PRR11: variants seen among roughly 807,000 people sequenced by gnomAD.
PRR11 encodes proline rich 11.
A neutral mutation model predicts 45.6 loss-of-function variants in PRR11; 30 were observed. The ratio of observed to expected loss-of-function variants is 0.66; its 90% CI spans 0.49 to 0.89. PRR11 has a LOEUF of 0.89. Ranked by LOEUF, PRR11 falls within the 40% of genes least tolerant of loss-of-function variation. The pLI is 0.00. For synonymous variants in PRR11, 128 were observed against 153.5 expected (o/e 0.83, Z 1.23); for missense variants, 373 against 424.8 (o/e 0.88, Z 1.07).
At chr17:59,197,057 C>T (rs534667618) in intron 7 of PRR11, among the ~76,000 whole-genome samples, 20 of 151,524 alleles carry the variant, frequency 1.3e-4, no homozygotes, top group East Asian at 2.0e-4. Flanking sequence ...CCATCTTGGC[C>T]AGGCTGGTCA....
At chr17:59,200,137 C>G (rs982443030) in intron 9 of PRR11, among the ~76,000 whole-genome samples, 1 of 152,142 alleles carries the variant, frequency 6.6e-6, no homozygotes, top group Non-Finnish European at 1.5e-5. Context: ...TGTTGTGCTG[C>G]CAAAATCTAC....
intron 4 of PRR11, among the ~76,000 whole-genome samples, chr17:59,186,704 A>G (rs962807282): frequency 3.9e-5 from 6 of 152,090 alleles, no homozygotes; most frequent in African/African-American, 1.4e-4. Flanking sequence ...TTGTTTGTAC[A>G]TTTTTAAATA....
intron 4 of PRR11, among the ~76,000 whole-genome samples, chr17:59,191,322 G>A (rs1212075956): frequency 6.7e-6 from 1 of 150,276 alleles, no homozygotes; most frequent in Admixed American, 6.7e-5. Flanking sequence ...GGGTTCAAGC[G>A]ATTCTCCTGC....
At chr17:59,169,154 A>G (rs1326814808) in intron 1 of PRR11, among the ~76,000 whole-genome samples, 1 of 137,686 alleles carries the variant, frequency 7.3e-6, no homozygotes, top group Non-Finnish European at 1.5e-5. Flanking sequence ...GTGGGAGTGC[A>G]ATGGTGCAAT....
At position 59,175,741 on chromosome 17, in the gene PRR11, C is replaced by CAATA. The variant is rs551878816; in HGVS notation, c.128+5875_128+5878dup. Among the ~76,000 whole-genome samples, 91 of 152,098 alleles carry CAATA rather than the reference C, an allele frequency of 6.0e-4. No homozygotes were observed. The South Asian group carries it at 8.7e-3, about 15-fold the overall frequency. On this transcript the variant is annotated intron_variant, in intron 2 of 9. Coordinates refer to ENST00000262293, the MANE Select transcript of PRR11 (RefSeq NM_018304.4). Reference sequence around the variant, plus strand: ...TCAGAGGCAGAACAAGACTCTGTCTCAATAAATAAATAAATAACTGTCCAG... The same window carrying CAATA: ...TCAGAGGCAGAACAAGACTCTGTCTCAATAAATAAATAAATAAATAACTGTCCAG...
At chr17:59,161,437 CA>C (rs1207051403) in intron 1 of PRR11, among the ~76,000 whole-genome samples, 36 of 137,442 alleles carry the variant, frequency 2.6e-4, no homozygotes, top group Admixed American at 2.9e-4. Context: ...AAACATAAAA[CA>C]AAAAAAAAAA....
intron 2 of PRR11, among the ~76,000 whole-genome samples, chr17:59,181,077 C>A (rs1357306748): frequency 6.6e-6 from 1 of 151,350 alleles, no homozygotes; most frequent in Non-Finnish European, 1.5e-5. Context: ...GCAAGCAACA[C>A]CTCCGGGGTT....
chr17:59,172,162 A>G (rs1417079682), intron 2 of PRR11, among the ~76,000 whole-genome samples: 1 of 152,220 alleles, frequency 6.6e-6, no homozygotes, highest in African/African-American at 2.4e-5. Context: ...TTCTGTGCTA[A>G]TCTGAGTGTC....
At chr17:59,156,712 G>T (rs1174650668) in intron 1 of PRR11, among the ~76,000 whole-genome samples, 1 of 150,916 alleles carries the variant, frequency 6.6e-6, no homozygotes, top group South Asian at 2.1e-4. Context: ...CTAGGCTGGA[G>T]TACAGTGGCA....
chr17:59,182,856 A>G (rs1319091192), intron 2 of PRR11, among the ~76,000 whole-genome samples: 3 of 152,112 alleles, frequency 2.0e-5, no homozygotes, highest in African/African-American at 4.8e-5. Context: ...ATGGCTGGTC[A>G]TGATCTTTCC....
rs757177981 is a variant in PRR11 at position 59,169,752 on chromosome 17, C to A, written c.-1C>A. On this transcript the variant is annotated 5_prime_UTR_variant, in exon 2 of 10. Transcript: ENST00000262293. ...TGTAAAAAAATTTCTCTGCAGAAAT[C>A]ATGCCCAAGTTCAAACAACGAAGAC... The A allele has an allele frequency of 2.5e-6, 4 of 1,582,478 alleles. No homozygotes were observed. In the Admixed American group the frequency reaches 8.0e-5, roughly 32 times the overall value.
chr17:59,175,585 A>T (rs2046740010), intron 2 of PRR11, among the ~76,000 whole-genome samples: 1 of 152,174 alleles, frequency 6.6e-6, no homozygotes. Context: ...TCTACTAAAG[A>T]TACAAAAATC....
intron 9 of PRR11, among the ~76,000 whole-genome samples, chr17:59,199,848 G>GA (rs2046884185): frequency 6.6e-6 from 1 of 152,184 alleles, no homozygotes; most frequent in African/African-American, 2.4e-5. Flanking sequence ...CTGCGTAGTG[G>GA]AGATGTGACC....
intron 2 of PRR11, chr17:59,181,776 A>C: frequency 1.3e-6 from 2 of 1,552,552 alleles, no homozygotes; most frequent in Non-Finnish European, 1.7e-6. Flanking sequence ...CCACCATGTA[A>C]TGCTTCTGCA....
Position 59,197,580 on chromosome 17 carries a change from G to T in PRR11, c.894G>T (p.Leu298=). 6.2e-7 allele frequency: 1 copy of T among 1,613,988 alleles called. No individual in the cohort carries two copies. Among genetic ancestry groups the T allele is most frequent in the Non-Finnish European group, 8.5e-7 (1 of 1,179,882 alleles). The change falls in exon 8 of 10, where the codon CTG becomes CTT. Residue 298 remains leucine, a synonymous_variant. Coordinates refer to ENST00000262293, the MANE Select transcript of PRR11 (RefSeq NM_018304.4). ...AAAGTCAGATGGATCTGCGGAAACT[G>T]CTTAGAAAAGTCGATGTAGAGAGGT... ...PGKSQMDLRK[L]LRKVDVERSP...
intron 7 of PRR11, among the ~76,000 whole-genome samples, chr17:59,196,489 G>A (rs1248616031): frequency 6.6e-6 from 1 of 152,066 alleles, no homozygotes; most frequent in Admixed American, 6.6e-5. Context: ...CAATTCTCCT[G>A]CTTCAGCCTC....
At chr17:59,185,675 T>A in intron 4 of PRR11, 113 bp downstream of exon 4, 1 of 1,018,370 alleles carries the variant, frequency 9.8e-7, no homozygotes, top group Non-Finnish European at 1.4e-6. Flanking sequence ...ATCTCAAACA[T>A]TAAGCGAAAA....
Position 59,200,482 on chromosome 17 carries a change from A to ATTTAT in PRR11, c.1015-1066_1015-1062dup, listed in dbSNP as rs1455243707. Among the ~76,000 whole-genome samples the ATTTAT allele has an allele frequency of 3.3e-5, 5 of 151,826 alleles. No individual in the cohort carries two copies. In the East Asian group the frequency reaches 5.8e-4, roughly 18 times the overall value. On this transcript the variant is annotated intron_variant, in intron 9 of 9. Transcript: ENST00000262293. ...TTTTTTTAATATATACAACTAACTC[A>ATTTAT]TTTATTTTATTTTATTTTAATTTTT... is the stretch of plus-strand genomic sequence containing the variant.
chr17:59,198,408 G>T (rs919223838), intron 9 of PRR11, among the ~76,000 whole-genome samples: 1 of 152,078 alleles, frequency 6.6e-6, no homozygotes, highest in Non-Finnish European at 1.5e-5. Context: ...GGGCACGGTG[G>T]CTCACGCCTG....
Sources: allele counts gnomAD v4.1 joint callset (sites outside exome capture counted in the v4.1 genomes callset), GRCh38; gene constraint gnomAD v4.1.1; transcripts MANE v1.5; gene names NCBI Gene and HGNC (gene_info 2026-07-23, HGNC 2026-07-21).